AGBL1: variants seen among roughly 807,000 people sequenced by gnomAD.
AGBL1 encodes cytosolic carboxypeptidase 4.
In AGBL1, 130 loss-of-function variants were observed where a neutral mutation model predicts 118.9. The ratio of observed to expected loss-of-function variants is 1.09; its 90% confidence interval spans 0.95 to 1.26. The LOEUF is 1.26. Ranked by LOEUF, AGBL1 falls within the 50% of genes most tolerant of loss-of-function variation. The pLI, the probability that AGBL1 is intolerant of heterozygous loss-of-function variation, is 0.00. For synonymous variants in AGBL1, 555 were observed against 478.9 expected (o/e 1.16, Z -2.08); for missense variants, 1,584 against 1,298.1 (o/e 1.22, Z -3.38).
chr15:86,439,646 T>C (rs2142051932), intron 18 of AGBL1, among the ~76,000 whole-genome samples: 1 of 152,354 alleles, frequency 6.6e-6, no homozygotes, highest in Non-Finnish European at 1.5e-5. Flanking sequence ...AAGGCAATAC[T>C]GAGCAAAGCA....
rs373733156 is a variant in AGBL1 at position 86,401,259 on chromosome 15, T to G, written c.2555+3713T>G. ...GTTTGTTGGCTACTTGTATATCTTT[T>G]GAGAACTGTCTATTCGTGTCCTTTG... On this transcript the variant is annotated intron_variant, in intron 18 of 22. Transcript: ENST00000614907. 2.1e-4 allele frequency among the ~76,000 whole-genome samples: 32 copies of G among 152,350 alleles called. No individual in the cohort carries two copies. In the South Asian group the frequency reaches 6.6e-3, roughly 32 times the overall value.
intron 23 of AGBL1, among the ~76,000 whole-genome samples, chr15:86,974,685 TA>T (rs1378648640): frequency 2.0e-5 from 3 of 148,870 alleles, no homozygotes; most frequent in Admixed American, 6.8e-5. Flanking sequence ...TAATAGCAAG[TA>T]AAAAAAACAG....
intron 17 of AGBL1, among the ~76,000 whole-genome samples, chr15:86,348,861 C>T (rs2080581021): frequency 6.6e-6 from 1 of 151,612 alleles, no homozygotes; most frequent in Non-Finnish European, 1.5e-5. Flanking sequence ...GTGCCCCTCC[C>T]ACCCAAATTC....
chr15:86,491,782 T>C (rs1000608439), intron 18 of AGBL1, among the ~76,000 whole-genome samples: 2 of 151,930 alleles, frequency 1.3e-5, no homozygotes, highest in African/African-American at 4.8e-5. Context: ...AAATTAATGA[T>C]ATTTTTAGTC....
At chr15:86,259,474 T>G (rs969635263) in intron 9 of AGBL1, among the ~76,000 whole-genome samples, 7 of 152,188 alleles carry the variant, frequency 4.6e-5, no homozygotes, top group African/African-American at 1.7e-4. Flanking sequence ...AAATCTTCCC[T>G]CCTTTCCTTT....
chr15:86,987,218 C>CA (rs1297120439), intron 23 of AGBL1, among the ~76,000 whole-genome samples: 2 of 152,140 alleles, frequency 1.3e-5, no homozygotes, highest in Non-Finnish European at 2.9e-5. Flanking sequence ...GTGCAGGTCA[C>CA]AGGGGATATG....
At chr15:86,122,246 A>G (rs1898135085) in intron 1 of AGBL1, among the ~76,000 whole-genome samples, 1 of 152,208 alleles carries the variant, frequency 6.6e-6, no homozygotes, top group East Asian at 1.9e-4. Context: ...TTGCAAACGG[A>G]GTAATGGGCA....
chr15:86,191,199 T>G (rs1375832348), intron 5 of AGBL1, among the ~76,000 whole-genome samples: 1 of 151,166 alleles, frequency 6.6e-6, no homozygotes. Context: ...ACAAAAAAAA[T>G]TAGCTGGGTG....
chr15:86,551,584 G>T (rs904735425), intron 20 of AGBL1, among the ~76,000 whole-genome samples: 3 of 152,172 alleles, frequency 2.0e-5, no homozygotes. Flanking sequence ...ACAAATGGAA[G>T]TCTAGGCCCA....
intron 24 of AGBL1, among the ~76,000 whole-genome samples, chr15:87,007,003 TA>T (rs2081512091): frequency 1.3e-5 from 2 of 152,140 alleles, no homozygotes; most frequent in African/African-American, 4.8e-5. Flanking sequence ...AGGGAAAAAC[TA>T]AGTCATGCTC....
At chr15:86,887,114 T>G (rs1385874140) in intron 22 of AGBL1, among the ~76,000 whole-genome samples, 1 of 152,236 alleles carries the variant, frequency 6.6e-6, no homozygotes, top group Non-Finnish European at 1.5e-5. Context: ...GTAAGGATTC[T>G]GATTCATAAA....
chr15:86,894,556 T>G (rs2141564912), intron 22 of AGBL1, among the ~76,000 whole-genome samples: 1 of 152,248 alleles, frequency 6.6e-6, no homozygotes, highest in African/African-American at 2.4e-5. Flanking sequence ...CTAGGCTAAC[T>G]TAAGTGTGAG....
At chr15:86,324,607 T>C (rs1165725353) in intron 17 of AGBL1, among the ~76,000 whole-genome samples, 1 of 152,242 alleles carries the variant, frequency 6.6e-6, no homozygotes, top group Non-Finnish European at 1.5e-5. Flanking sequence ...TTCTGGTTTT[T>C]TGACACTTTC....
chr15:86,576,515 C>T (rs1213355063), intron 21 of AGBL1, among the ~76,000 whole-genome samples: 3 of 152,210 alleles, frequency 2.0e-5, no homozygotes, highest in African/African-American at 7.2e-5. Flanking sequence ...TTGGCCGAAA[C>T]CAGCCAAAGT....
At chr15:86,945,666 C>G (rs2080811218) in intron 23 of AGBL1, among the ~76,000 whole-genome samples, 1 of 151,974 alleles carries the variant, frequency 6.6e-6, no homozygotes, top group African/African-American at 2.4e-5. Flanking sequence ...GAGTGAGACC[C>G]CATCTCAAAA....
chr15:86,460,318 CAAAAAAAAAAAAA>C (rs1168019827), intron 18 of AGBL1, among the ~76,000 whole-genome samples: 3 of 36,598 alleles, frequency 8.2e-5, no homozygotes, highest in Admixed American at 5.3e-4. Flanking sequence ...CCTATCTCTA[CAAAAAAAAAAAAA>C]AAAAAAAAAA....
intron 5 of AGBL1, among the ~76,000 whole-genome samples, chr15:86,223,781 A>T (rs957564392): frequency 4.6e-5 from 7 of 152,118 alleles, no homozygotes; most frequent in Non-Finnish European, 5.9e-5. Flanking sequence ...ATGCTTTCAC[A>T]TGTACTGCTT....
intron 17 of AGBL1, chr15:86,312,322 A>G (rs2079933412): frequency 1.3e-5 from 2 of 152,244 alleles, no homozygotes. Context: ...GTTTGGCCAG[A>G]CAGGAGATTG....
intron 22 of AGBL1, among the ~76,000 whole-genome samples, chr15:86,900,147 A>C (rs1371877477): frequency 6.6e-6 from 1 of 152,144 alleles, no homozygotes; most frequent in Non-Finnish European, 1.5e-5. Flanking sequence ...TGAAGGCGGC[A>C]CTGTTGTCTT....
Sources: allele counts gnomAD v4.1 joint callset (sites outside exome capture counted in the v4.1 genomes callset), GRCh38; gene constraint gnomAD v4.1.1; transcripts MANE v1.5; gene names NCBI Gene and HGNC (gene_info 2026-07-23, HGNC 2026-07-21).